The following PDLIM5 variants were observed in gnomAD, a reference collection of about 807,000 sequenced individuals.
PDLIM5 encodes the protein PDZ and LIM domain protein 5.
Under a neutral mutation model 64.2 loss-of-function variants are expected in PDLIM5, and 34 were observed. The ratio of observed to expected loss-of-function variants is 0.53; its 90% confidence interval spans 0.40 to 0.71. The LOEUF is 0.71. Among genes scored for constraint, PDLIM5 ranks in the 30% least tolerant of loss-of-function variants. The pLI is 0.00. For missense variants in PDLIM5, 683 were observed against 733.6 expected, an observed-to-expected ratio of 0.93 and a Z score of 0.80; for synonymous variants, 253 against 269.1, an observed-to-expected ratio of 0.94 and a Z score of 0.59.
At chr4:94,560,929 G>A (rs542753557) in intron 3 of PDLIM5, among the ~76,000 whole-genome samples, 6 of 152,092 alleles carry the variant, frequency 3.9e-5, no homozygotes, top group South Asian at 4.2e-4. Flanking sequence ...GGTTTACATC[G>A]TGTTAGCCAG....
intron 8 of PDLIM5, among the ~76,000 whole-genome samples, chr4:94,638,142 A>T (rs1740720926): frequency 6.6e-6 from 1 of 152,240 alleles, no homozygotes; most frequent in African/African-American, 2.4e-5. Context: ...CAGGTGTTAG[A>T]GTTGAAAACG....
chr4:94,646,641 A>G (rs1052430197), intron 9 of PDLIM5, among the ~76,000 whole-genome samples: 2 of 152,218 alleles, frequency 1.3e-5, no homozygotes, highest in Non-Finnish European at 2.9e-5. Flanking sequence ...GGATTATCCA[A>G]CTTTAACAAA....
intron 7 of PDLIM5, among the ~76,000 whole-genome samples, chr4:94,589,454 G>A (rs775404560): frequency 6.6e-6 from 1 of 152,180 alleles, no homozygotes; most frequent in African/African-American, 2.4e-5. Flanking sequence ...TATTCAGCCA[G>A]GATCATAAAG....
intron 3 of PDLIM5, among the ~76,000 whole-genome samples, chr4:94,536,141 A>G (rs1731301133): frequency 6.6e-6 from 1 of 152,072 alleles, no homozygotes; most frequent in Admixed American, 6.5e-5. Context: ...GACCAAAAAT[A>G]TTTTAAGCCA....
In PDLIM5 at chr4:94,635,529, C is replaced by T. The variant is rs1269134099; in HGVS notation, c.1109-4747C>T. Among the ~76,000 whole-genome samples the T allele has an allele frequency of 3.3e-5, 5 of 152,154 alleles. No homozygotes were observed. The East Asian group carries it at 9.6e-4, about 29-fold the overall frequency. ...GCTATCTCTAAAGAGGTGTATTTTT[C>T]TTTCTACATAGAAGTAAATGGTTTT... On this transcript the variant is annotated intron_variant, in intron 8 of 12. Transcript: ENST00000317968.
chr4:94,602,134 T>C (rs927770941), intron 7 of PDLIM5, among the ~76,000 whole-genome samples: 1 of 152,320 alleles, frequency 6.6e-6, no homozygotes, highest in African/African-American at 2.4e-5. Flanking sequence ...CTTTACCTTT[T>C]AATAAAACGT....
intron 7 of PDLIM5, among the ~76,000 whole-genome samples, chr4:94,604,793 G>A (rs917174071): frequency 6.6e-6 from 1 of 152,174 alleles, no homozygotes; most frequent in African/African-American, 2.4e-5. Flanking sequence ...TAATGTGAAC[G>A]TACTTCACAC....
chr4:94,574,411 T>A lies in PDLIM5; in HGVS notation c.291+1018T>A, dbSNP rs13142596. On this transcript the variant is annotated intron_variant, in intron 4 of 12. Coordinates refer to ENST00000317968, the MANE Select transcript of PDLIM5 (RefSeq NM_006457.5). ...TAGCCAGGAGGCTGAGGTGGGAGAA[T>A]CACTTGAACCCGGGAAGTGGAGGTT... Among the ~76,000 whole-genome samples, 1,443 of 148,772 alleles carry A rather than the reference T, an allele frequency of 9.7e-3. 10 individuals carry two copies. The highest frequency in any genetic ancestry group is 0.032 in the Middle Eastern group (9 of 282).
At chr4:94,568,842 G>A (rs961495553) in intron 3 of PDLIM5, among the ~76,000 whole-genome samples, 1 of 152,104 alleles carries the variant, frequency 6.6e-6, no homozygotes, top group Non-Finnish European at 1.5e-5. Flanking sequence ...TAAAATAAAT[G>A]TACCTAAGGA....
chr4:94,506,687 C>T (rs1024775631), intron 2 of PDLIM5, among the ~76,000 whole-genome samples: 4 of 152,088 alleles, frequency 2.6e-5, no homozygotes, highest in African/African-American at 9.7e-5. Context: ...CATTCTGTCC[C>T]TGTGTGATGG....
At chr4:94,558,003 T>G (rs1733504082) in intron 3 of PDLIM5, among the ~76,000 whole-genome samples, 1 of 152,208 alleles carries the variant, frequency 6.6e-6, no homozygotes, top group South Asian at 2.1e-4. Context: ...AAGGGAATGC[T>G]TCCAGTTTTT....
intron 7 of PDLIM5, chr4:94,587,944 G>T (rs1037616002): frequency 3.7e-5 from 36 of 978,552 alleles, no homozygotes; most frequent in Non-Finnish European, 4.2e-5. Context: ...ACTTAGTGAC[G>T]TAAACTACTG....
intron 2 of PDLIM5, among the ~76,000 whole-genome samples, chr4:94,469,095 T>C (rs929335236): frequency 1.3e-5 from 2 of 152,198 alleles, no homozygotes; most frequent in African/African-American, 4.8e-5. Context: ...ACAAAAGTAG[T>C]AGTGGCAGAC....
intron 2 of PDLIM5, among the ~76,000 whole-genome samples, chr4:94,503,632 A>G (rs917437163): frequency 3.9e-5 from 6 of 152,208 alleles, no homozygotes; most frequent in African/African-American, 1.4e-4. Flanking sequence ...TTCATTGCCA[A>G]TCAAACCATT....
intron 5 of PDLIM5, among the ~76,000 whole-genome samples, chr4:94,581,110 T>G (rs1735696438): frequency 6.6e-6 from 1 of 152,130 alleles, no homozygotes; most frequent in African/African-American, 2.4e-5. Context: ...TTCTGTAGAT[T>G]GCAGTTTGCC....
chr4:94,630,161 A>G lies in PDLIM5; in HGVS notation c.1109-10115A>G, dbSNP rs1265793062. ...AACATATTTCCTGAGATGTTGAATTACAATACTTTATCTCCCCGAGAGTGC... is the reference window on the plus strand; with the variant it reads ...AACATATTTCCTGAGATGTTGAATTGCAATACTTTATCTCCCCGAGAGTGC... On this transcript the variant is annotated intron_variant, in intron 8 of 12. Coordinates refer to ENST00000317968, the MANE Select transcript of PDLIM5 (RefSeq NM_006457.5). Among the ~76,000 whole-genome samples the G allele has an allele frequency of 2.6e-5, 4 of 152,162 alleles. No individual in the cohort carries two copies. The South Asian group carries it at 6.2e-4, about 24-fold the overall frequency.
At chr4:94,475,191 C>G (rs1359805647) in intron 2 of PDLIM5, among the ~76,000 whole-genome samples, 1 of 150,892 alleles carries the variant, frequency 6.6e-6, no homozygotes. Context: ...AAGAAATTTT[C>G]TCCTCAAAGG....
At chr4:94,533,121 ATC>A (rs1731040154) in intron 3 of PDLIM5, among the ~76,000 whole-genome samples, 2 of 152,234 alleles carry the variant, frequency 1.3e-5, no homozygotes, top group Non-Finnish European at 2.9e-5. Flanking sequence ...TATCTTATAT[ATC>A]TCTTTTTCTT....
At chr4:94,562,187 C>T (rs894511433) in intron 3 of PDLIM5, among the ~76,000 whole-genome samples, 2 of 152,290 alleles carry the variant, frequency 1.3e-5, no homozygotes, top group South Asian at 2.1e-4. Context: ...CCTATCAGGC[C>T]TCCAGACCTT....
Sources: allele counts gnomAD v4.1 joint callset (sites outside exome capture counted in the v4.1 genomes callset), GRCh38; gene constraint gnomAD v4.1.1; transcripts MANE v1.5; gene names NCBI Gene and HGNC (gene_info 2026-07-23, HGNC 2026-07-21).